The following RHOQ variants were observed in gnomAD, a reference collection of about 807,000 sequenced individuals.
The protein encoded by RHOQ is rho-related GTP-binding protein RhoQ.
RHOQ carries 7 observed loss-of-function variants against 25.8 expected under a neutral mutation model. That is an observed-to-expected ratio of 0.27 (90% CI 0.15 to 0.51). RHOQ has a LOEUF of 0.51. RHOQ is among the 20% of genes least tolerant of loss of function. The probability of loss-of-function intolerance (pLI) is 0.97; values close to 1 mark genes in which losing one functional copy is unlikely to be tolerated. For synonymous variants in RHOQ, 97 were observed against 98.6 expected, an observed-to-expected ratio of 0.98 and a Z score of 0.10; for missense variants, 165 against 260.6, an observed-to-expected ratio of 0.63 and a Z score of 2.53.
chr2:46,552,723 A>C lies in RHOQ; in HGVS notation c.201+8911A>C, dbSNP rs1175453381. On this transcript the variant is annotated intron_variant, in intron 2 of 4. Transcript: ENST00000238738. This position sits in a 1 kb window ranked among gnomAD's most constrained non-coding sequence, Gnocchi z 5.0. ...CCAGTCAGTCAACATACATTTCCTG[A>C]GCACCAGATCTGGGCCAGGGGCAGG... Among the ~76,000 whole-genome samples, 3 of 152,184 alleles carry C rather than the reference A, an allele frequency of 2.0e-5. No homozygotes were observed. Among genetic ancestry groups the C allele is most frequent in the Admixed American group, 6.5e-5 (1 of 15,272 alleles).
At chr2:46,560,974 A>G (rs1395345054) in intron 2 of RHOQ, among the ~76,000 whole-genome samples, 3 of 151,580 alleles carry the variant, frequency 2.0e-5, no homozygotes, top group East Asian at 3.9e-4. Context: ...TCTCAAATGC[A>G]TAGAGTGTCC....
intron 2 of RHOQ, among the ~76,000 whole-genome samples, chr2:46,575,381 A>G (rs1251750992): frequency 6.9e-6 from 1 of 145,676 alleles, no homozygotes; most frequent in East Asian, 2.1e-4. Context: ...TTTACTGTGT[A>G]TGTTTCTCTT....
chr2:46,557,641 A>G (rs1668446562), intron 2 of RHOQ, among the ~76,000 whole-genome samples: 1 of 152,186 alleles, frequency 6.6e-6, no homozygotes, highest in Non-Finnish European at 1.5e-5. Context: ...AAAAAAACTC[A>G]TTTTTATCAA....
At chr2:46,559,521 G>A (rs1668505779) in intron 2 of RHOQ, among the ~76,000 whole-genome samples, 1 of 152,164 alleles carries the variant, frequency 6.6e-6, no homozygotes, top group South Asian at 2.1e-4. Flanking sequence ...CTCAGCTTCA[G>A]TACTGTTGAC....
intron 2 of RHOQ, among the ~76,000 whole-genome samples, chr2:46,563,328 A>T (rs535974637): frequency 6.6e-6 from 1 of 152,104 alleles, no homozygotes; most frequent in Non-Finnish European, 1.5e-5. Flanking sequence ...GTGGCAGCTG[A>T]CCTATCTCCT....
At chr2:46,561,390 A>G (rs1278708371) in intron 2 of RHOQ, among the ~76,000 whole-genome samples, 1 of 151,974 alleles carries the variant, frequency 6.6e-6, no homozygotes, top group Non-Finnish European at 1.5e-5. Context: ...GTCATGTGGG[A>G]GAAGCTGGGG....
At chr2:46,562,313 G>T (rs1668601721) in intron 2 of RHOQ, among the ~76,000 whole-genome samples, 1 of 151,954 alleles carries the variant, frequency 6.6e-6, no homozygotes, top group South Asian at 2.1e-4. Flanking sequence ...GACACCACCT[G>T]TCCCGTTGCT....
intron 2 of RHOQ, among the ~76,000 whole-genome samples, chr2:46,549,082 C>A (rs774872566): frequency 6.6e-6 from 1 of 152,150 alleles, no homozygotes. Context: ...GCCCCATCCC[C>A]ATCCTGGACC....
chr2:46,559,837 A>G lies in RHOQ; in HGVS notation c.201+16025A>G, dbSNP rs553874974. Among the ~76,000 whole-genome samples the G allele has an allele frequency of 1.2e-4, 19 of 152,102 alleles. No individual in the cohort carries two copies. The South Asian group carries it at 3.9e-3, about 32-fold the overall frequency. On this transcript the variant is annotated intron_variant, in intron 2 of 4. Transcript: ENST00000238738. The stretch of plus-strand genomic sequence containing the variant: ...CATATAAACCAGGAAAGAATCTTCT[A>G]CTCTTCTGCCCGAGGGATTCATCCT...
At chr2:46,568,600 CTAG>C (rs1668809815) in intron 2 of RHOQ, 1 of 152,256 alleles carries the variant, frequency 6.6e-6, no homozygotes, top group Non-Finnish European at 1.5e-5. Flanking sequence ...AGTACACTCA[CTAG>C]TCATGCGGGC....
rs1468230300 is a variant in RHOQ, at chr2:46,542,881, GC to G, written c.-161del. The G allele has an allele frequency of 4.2e-5, 8 of 190,272 alleles. No homozygotes were observed. The highest frequency in any genetic ancestry group is 6.6e-5 in the Non-Finnish European group (7 of 105,866). 11.8% of individuals were successfully genotyped at this position (190,272 alleles called of 1,614,324 possible). Reference sequence around the variant, plus strand: ...GCGGCGGCAGCGCCCCGGGCCCGCCGCCCCCTCCCCTCCTGCGAGGGGAGCC... The same window carrying G: ...GCGGCGGCAGCGCCCCGGGCCCGCCGCCCCTCCCCTCCTGCGAGGGGAGCC... On this transcript the variant is annotated 5_prime_UTR_variant, in exon 1 of 5. An upstream open reading frame in the 5' UTR loses its in-frame stop. Coordinates refer to ENST00000238738, the MANE Select transcript of RHOQ (RefSeq NM_012249.4).
rs1351594663 is a variant in RHOQ at position 46,543,734 on chromosome 2, C to T, written c.143-20C>T. The T allele has an allele frequency of 1.9e-6, 3 of 1,611,046 alleles. No individual in the cohort carries two copies. Among genetic ancestry groups the T allele is most frequent in the Non-Finnish European group, 2.5e-6 (3 of 1,178,320 alleles). On this transcript the variant is annotated intron_variant, in intron 1 of 4. Coordinates refer to ENST00000238738, the MANE Select transcript of RHOQ (RefSeq NM_012249.4). ...GGTCACTGTGAGCTTCTCTCCCCGC[C>T]CCCACTTCTGTCCTTGCAGTCAGCG...
chr2:46,548,842 G>C lies in RHOQ; in HGVS notation c.201+5030G>C, dbSNP rs183110424. On this transcript the variant is annotated intron_variant, in intron 2 of 4. Transcript: ENST00000238738. The surrounding 1 kb of genome is among the most constrained non-coding windows in gnomAD (Gnocchi z 5.2). ...CACACCGCATCACACGGGAATGCTG[G>C]TTTCCTCCTCTGCGTTGGGAAGGTG... Among the ~76,000 whole-genome samples, 530 of 152,320 alleles carry C rather than the reference G, an allele frequency of 3.5e-3. No individual in the cohort carries two copies. Among genetic ancestry groups the C allele is most frequent in the Non-Finnish European group, 5.9e-3 (398 of 68,032 alleles).
At chr2:46,550,229 C>T (rs1378509249) in intron 2 of RHOQ, among the ~76,000 whole-genome samples, 4 of 150,406 alleles carry the variant, frequency 2.7e-5, no homozygotes, top group South Asian at 2.1e-4. Context: ...AGAGCGAGAC[C>T]GTGTTTATTT....
At position 46,581,472 on chromosome 2, in the gene RHOQ, C is replaced by CT; in HGVS notation, c.*390dup. Reference sequence around the variant, plus strand: ...CTGCACAAAGAAATATCTCCCTTTGCTCCAGTTAATTGTTCTTGTATGTAA... The same window carrying CT: ...CTGCACAAAGAAATATCTCCCTTTGCTTCCAGTTAATTGTTCTTGTATGTAA... On this transcript the variant is annotated 3_prime_UTR_variant, in exon 5 of 5. Transcript: ENST00000238738. 1 of 1,609,950 alleles carries CT rather than the reference C, an allele frequency of 6.2e-7. No homozygotes were observed. The highest frequency in any genetic ancestry group is 8.5e-7 in the Non-Finnish European group (1 of 1,178,740).
At chr2:46,572,107 G>GGTT (rs1668937347) in intron 2 of RHOQ, among the ~76,000 whole-genome samples, 2 of 66,254 alleles carry the variant, frequency 3.0e-5, no homozygotes, top group African/African-American at 1.7e-4. Flanking sequence ...GTAAGTGTGT[G>GGTT]TTTTTTTTTT....
intron 2 of RHOQ, among the ~76,000 whole-genome samples, chr2:46,551,548 A>T (rs1027846153): frequency 6.6e-6 from 1 of 152,234 alleles, no homozygotes; most frequent in Non-Finnish European, 1.5e-5. Flanking sequence ...AGCAGGGTTG[A>T]TAACTAAATT....
intron 2 of RHOQ, among the ~76,000 whole-genome samples, chr2:46,562,675 A>T (rs1307311614): frequency 6.6e-6 from 1 of 152,244 alleles, no homozygotes; most frequent in Non-Finnish European, 1.5e-5. Flanking sequence ...CCGTGGCCAC[A>T]TCAAAGCCCA....
At chr2:46,575,447 A>C (rs970366905) in intron 2 of RHOQ, among the ~76,000 whole-genome samples, 13 of 149,604 alleles carry the variant, frequency 8.7e-5, no homozygotes, top group Non-Finnish European at 1.5e-5. Flanking sequence ...ACACACAATT[A>C]ATAAAACTAT....
Sources: allele counts gnomAD v4.1 joint callset (sites outside exome capture counted in the v4.1 genomes callset), GRCh38; gene constraint gnomAD v4.1.1; non-coding constraint Gnocchi (gnomAD v3.1); transcripts MANE v1.5; gene names NCBI Gene and HGNC (gene_info 2026-07-23, HGNC 2026-07-21).